Variants in SORCS3 observed in about 807,000 individuals in gnomAD.
The protein encoded by SORCS3 is sortilin related VPS10 domain containing receptor 3, also known as VPS10 domain-containing receptor SorCS3.
SORCS3 carries 57 observed loss-of-function variants against 146.3 expected under a neutral mutation model. The observed-to-expected ratio is 0.39, with a 90% CI of 0.31 to 0.49. The LOEUF (loss-of-function observed/expected upper bound fraction) is 0.49. Among genes scored for constraint, SORCS3 ranks in the 20% least tolerant of loss-of-function variants. The pLI is 0.92. For missense variants in SORCS3, 1,341 were observed against 1,575.5 expected (o/e 0.85, Z 2.52); for synonymous variants, 653 against 618.5 (o/e 1.06, Z -0.83).
intron 2 of SORCS3, among the ~76,000 whole-genome samples, chr10:104,881,469 T>C (rs1230991612): frequency 6.6e-6 from 1 of 152,190 alleles, no homozygotes; most frequent in Non-Finnish European, 1.5e-5. Context: ...CGATGGAACA[T>C]TTAAATGGAA....
At chr10:105,133,970 T>A (rs1416432236) in intron 7 of SORCS3, among the ~76,000 whole-genome samples, 1 of 152,046 alleles carries the variant, frequency 6.6e-6, no homozygotes, top group Non-Finnish European at 1.5e-5. Flanking sequence ...AAAAGAAAAT[T>A]TAAAAATACA....
intron 1 of SORCS3, among the ~76,000 whole-genome samples, chr10:104,686,459 A>G (rs527757197): frequency 6.6e-6 from 1 of 152,264 alleles, no homozygotes; most frequent in East Asian, 1.9e-4. Flanking sequence ...AAATAAAGTA[A>G]CAACCAATCG....
chr10:104,784,457 T>C (rs2133494830), intron 1 of SORCS3, among the ~76,000 whole-genome samples: 2 of 152,374 alleles, frequency 1.3e-5, no homozygotes, highest in Middle Eastern at 3.4e-3. Flanking sequence ...AAACATCCCT[T>C]GAGCCATTTG....
chr10:104,843,160 C>T (rs141843044), intron 2 of SORCS3, among the ~76,000 whole-genome samples: 52 of 152,210 alleles, frequency 3.4e-4, no homozygotes, highest in African/African-American at 1.0e-3. Flanking sequence ...TAAACATGCA[C>T]GAGTAGAGGT....
intron 7 of SORCS3, among the ~76,000 whole-genome samples, chr10:105,116,872 C>T (rs1357049403): frequency 1.3e-5 from 2 of 151,956 alleles, no homozygotes; most frequent in Non-Finnish European, 2.9e-5. Flanking sequence ...TGGTAGACCC[C>T]GAGGCCTACT....
intron 5 of SORCS3, among the ~76,000 whole-genome samples, chr10:105,064,351 A>G (rs972756444): frequency 6.6e-6 from 1 of 152,204 alleles, no homozygotes; most frequent in Non-Finnish European, 1.5e-5. Flanking sequence ...GAGAGAACCA[A>G]TAGGAGATAG....
chr10:105,252,932 A>G (rs758167069), intron 23 of SORCS3, 26 bp downstream of exon 23: 1 of 1,612,378 alleles, frequency 6.2e-7, no homozygotes, highest in Admixed American at 1.7e-5. Context: ...TCTGGCTGGG[A>G]CCCTTGCCTG....
intron 1 of SORCS3, among the ~76,000 whole-genome samples, chr10:104,647,677 C>T (rs988442790): frequency 1.3e-5 from 2 of 152,126 alleles, no homozygotes; most frequent in African/African-American, 4.8e-5. Flanking sequence ...GCCTTAGCTG[C>T]AGGGTAAGAG....
intron 1 of SORCS3, among the ~76,000 whole-genome samples, chr10:104,706,328 C>T (rs1161740004): frequency 6.6e-6 from 1 of 151,032 alleles, no homozygotes; most frequent in Non-Finnish European, 1.5e-5. Context: ...CTGTCTCAGC[C>T]TCCGGAGTAG....
At position 105,222,304 on chromosome 10, in the gene SORCS3, C is replaced by T. The variant is rs533419361; in HGVS notation, c.2735-812C>T. On this transcript the variant is annotated intron_variant, in intron 19 of 26. Transcript: ENST00000369701. Reference sequence around the variant, plus strand: ...GAACTCCTACCTCAGGTGATCCACCCACCTCAGCCTCCCAAAGTGCTGGGA... The same window carrying T: ...GAACTCCTACCTCAGGTGATCCACCTACCTCAGCCTCCCAAAGTGCTGGGA... 5.7e-4 allele frequency among the ~76,000 whole-genome samples: 86 copies of T among 152,134 alleles called. 2 individuals carry two copies. In the South Asian group the frequency reaches 0.017, roughly 30 times the overall value.
At chr10:104,698,911 G>A (rs926346031) in intron 1 of SORCS3, among the ~76,000 whole-genome samples, 21 of 152,226 alleles carry the variant, frequency 1.4e-4, no homozygotes, top group African/African-American at 4.1e-4. Flanking sequence ...TTAAATTCTC[G>A]TAACAAAGGA....
intron 25 of SORCS3, among the ~76,000 whole-genome samples, chr10:105,260,573 T>C (rs11192382): frequency 0.075 from 11,385 of 152,266 alleles, 519 homozygotes; most frequent in Middle Eastern, 0.21. Context: ...ATTAAAGACA[T>C]GAAAACTGAA....
At chr10:104,726,497 TA>T (rs1428008740) in intron 1 of SORCS3, among the ~76,000 whole-genome samples, 1 of 152,120 alleles carries the variant, frequency 6.6e-6, no homozygotes, top group African/African-American at 2.4e-5. Context: ...AAGTCTGACC[TA>T]AACCCCAGGA....
chr10:105,056,112 T>C (rs1179802462), intron 5 of SORCS3, among the ~76,000 whole-genome samples: 3 of 152,188 alleles, frequency 2.0e-5, no homozygotes, highest in Admixed American at 2.0e-4. Context: ...TGAAGAATGG[T>C]TTGAATTGGC....
At chr10:104,719,703 A>G (rs920975068) in intron 1 of SORCS3, among the ~76,000 whole-genome samples, 1 of 152,194 alleles carries the variant, frequency 6.6e-6, no homozygotes, top group East Asian at 1.9e-4. Context: ...CATGTATGTG[A>G]GGGTGTATTT....
chr10:104,685,153 G>A (rs1344445073), intron 1 of SORCS3, among the ~76,000 whole-genome samples: 1 of 152,102 alleles, frequency 6.6e-6, no homozygotes, highest in Non-Finnish European at 1.5e-5. Flanking sequence ...TTGATGAATA[G>A]CTGGAATATA....
chr10:105,106,308 C>T (rs1448633238), intron 7 of SORCS3, among the ~76,000 whole-genome samples: 2 of 152,182 alleles, frequency 1.3e-5, no homozygotes, highest in Admixed American at 6.6e-5. Flanking sequence ...TGGCTCAGAC[C>T]TAAGCACCTG....
At chr10:104,840,859 G>A (rs1259051693) in intron 1 of SORCS3, among the ~76,000 whole-genome samples, 3 of 152,258 alleles carry the variant, frequency 2.0e-5, no homozygotes, top group African/African-American at 7.2e-5. Flanking sequence ...AAAATGAAAT[G>A]GTCTGACTTG....
intron 3 of SORCS3, among the ~76,000 whole-genome samples, chr10:104,971,452 T>C (rs1457169418): frequency 6.6e-6 from 1 of 152,224 alleles, no homozygotes; most frequent in Non-Finnish European, 1.5e-5. Context: ...CAAGGATGCA[T>C]CTTGGGCTTT....
Sources: allele counts gnomAD v4.1 joint callset (sites outside exome capture counted in the v4.1 genomes callset), GRCh38; gene constraint gnomAD v4.1.1; transcripts MANE v1.5; gene names NCBI Gene and HGNC (gene_info 2026-07-23, HGNC 2026-07-21).